GPSM2: variants seen among roughly 807,000 people sequenced by gnomAD.
GPSM2 encodes G protein signaling modulator 2.
A neutral mutation model predicts 78.4 loss-of-function variants in GPSM2; 58 were observed. That is an observed-to-expected ratio of 0.74 (90% confidence interval 0.60 to 0.92). The LOEUF is 0.92. Among genes scored for constraint, GPSM2 ranks in the 40% least tolerant of loss-of-function variants. The pLI, the probability that GPSM2 is intolerant of heterozygous loss-of-function variation, is 0.00. For synonymous variants in GPSM2, 224 were observed against 280.2 expected, an observed-to-expected ratio of 0.80 and a Z score of 2.00; for missense variants, 700 against 815.5, an observed-to-expected ratio of 0.86 and a Z score of 1.73.
chr1:108,885,443 A>G lies in GPSM2; in HGVS notation c.-80A>G, dbSNP rs1425764381. On this transcript the variant is annotated 5_prime_UTR_variant, in exon 2 of 15. Transcript: ENST00000264126. Reference sequence around the variant, plus strand: ...TAATATACTAACCGGACAATGTTCTACAAACAATTCTACATTGTAAAGGAC... The same window carrying G: ...TAATATACTAACCGGACAATGTTCTGCAAACAATTCTACATTGTAAAGGAC... The G allele has an allele frequency of 6.1e-6, 5 of 819,284 alleles. No individual in the cohort carries two copies. The highest frequency in any genetic ancestry group is 5.6e-5 in the Admixed American group (3 of 53,218). 50.8% of individuals were successfully genotyped at this position (819,284 alleles called of 1,614,324 possible).
chr1:108,929,472 TA>T lies in GPSM2; in HGVS notation c.1816-228del, dbSNP rs1651507928. 5 of 563,954 alleles carry T rather than the reference TA, an allele frequency of 8.9e-6. No individual in the cohort carries two copies. The Admixed American group carries it at 1.5e-4, about 17-fold the overall frequency. 34.9% of individuals were successfully genotyped at this position (563,954 alleles called of 1,614,324 possible). On this transcript the variant is annotated intron_variant, in intron 14 of 14. Coordinates refer to ENST00000264126, the MANE Select transcript of GPSM2 (RefSeq NM_013296.5). ...TAAACCAATGAAGCAGCTATACCTA[TA>T]TAAGCCATTTTAAAGGAAAAATTTT...
chr1:108,918,607 T>G lies in GPSM2; in HGVS notation c.1264-6T>G. 6.2e-7 allele frequency: 1 copy of G among 1,609,498 alleles called. No homozygotes were observed. ...ATTCACCTGCCTTCCATTTATAATT[T>G]TGTAGGTACAGAACTGGAACAGTGA... On this transcript the variant is annotated splice_region_variant and splice_polypyrimidine_tract_variant and intron_variant, in intron 11 of 14. Coordinates refer to ENST00000264126, the MANE Select transcript of GPSM2 (RefSeq NM_013296.5).
chr1:108,910,098 C>T (rs1368232783), intron 10 of GPSM2: 1 of 151,844 alleles, frequency 6.6e-6, no homozygotes, highest in Non-Finnish European at 1.5e-5. Context: ...TTGACTAAGT[C>T]TACAGAAAGA....
intron 14 of GPSM2, among the ~76,000 whole-genome samples, chr1:108,928,976 G>A (rs1023068528): frequency 1.3e-4 from 18 of 142,960 alleles, no homozygotes; most frequent in Admixed American, 2.2e-4. Context: ...ATGACAGAGC[G>A]AGAATCCGTC....
chr1:108,931,224 A>G lies in GPSM2; in HGVS notation c.*1284A>G. 1 of 1,340,210 alleles carries G rather than the reference A, an allele frequency of 7.5e-7. No homozygotes were observed. Among genetic ancestry groups the G allele is most frequent in the South Asian group, 1.6e-5 (1 of 64,224 alleles). The allele number at this position is 1,340,210 out of a possible 1,614,324, so 83.0% of individuals were successfully genotyped here. On this transcript the variant is annotated 3_prime_UTR_variant, in exon 15 of 15. Coordinates refer to ENST00000264126, the MANE Select transcript of GPSM2 (RefSeq NM_013296.5). ...ACCTAGGACACATAAACAAACAGAAAACAGATGAAAACTCACAAAAATTAA... is the reference window on the plus strand; with the variant it reads ...ACCTAGGACACATAAACAAACAGAAGACAGATGAAAACTCACAAAAATTAA...
At position 108,923,989 on chromosome 1, in the gene GPSM2, T is replaced by C; in HGVS notation, c.1601-11T>C. ...TTTTTTTAATCTTTGGCTTTCTTCT[T>C]CTGTTCTTAGCATCATCTGTTCCTG... On this transcript the variant is annotated splice_polypyrimidine_tract_variant and intron_variant, in intron 13 of 14. Coordinates refer to ENST00000264126, the MANE Select transcript of GPSM2 (RefSeq NM_013296.5). 1 of 1,563,924 alleles carries C rather than the reference T, an allele frequency of 6.4e-7. No individual in the cohort carries two copies. Among genetic ancestry groups the C allele is most frequent in the Non-Finnish European group, 8.8e-7 (1 of 1,134,250 alleles).
intron 11 of GPSM2, among the ~76,000 whole-genome samples, chr1:108,915,221 A>C (rs1557873886): frequency 1.3e-5 from 2 of 151,220 alleles, no homozygotes; most frequent in Non-Finnish European, 2.9e-5. Flanking sequence ...AAATACAAAA[A>C]TTAGCTGGGT....
chr1:108,891,499 A>T (rs1279212569), intron 2 of GPSM2, among the ~76,000 whole-genome samples: 1 of 151,668 alleles, frequency 6.6e-6, no homozygotes, highest in East Asian at 1.9e-4. Flanking sequence ...GGTTATTTTT[A>T]TTTTATTTTA....
At chr1:108,894,031 G>A (rs1648172968) in intron 2 of GPSM2, among the ~76,000 whole-genome samples, 1 of 151,948 alleles carries the variant, frequency 6.6e-6, no homozygotes, top group Non-Finnish European at 1.5e-5. Context: ...GTGACAGAGT[G>A]AGACTCCATC....
At position 108,914,409 on chromosome 1, in the gene GPSM2, G is replaced by A; in HGVS notation, c.1263+1G>A. 6.3e-7 allele frequency: 1 copy of A among 1,597,088 alleles called. No homozygotes were observed. The highest frequency in any genetic ancestry group is 8.6e-7 in the Non-Finnish European group (1 of 1,165,154). On this transcript the variant is annotated splice_donor_variant, in intron 11 of 14. Coordinates refer to ENST00000264126, the MANE Select transcript of GPSM2 (RefSeq NM_013296.5). LOFTEE classifies it high-confidence loss of function. ...ACTTATGAAGTTAACACCAGAAAAG[G>A]TGGGTGGCAGGTTTTATGTTTTAAA...
chr1:108,923,873 G>T (rs892002180), intron 13 of GPSM2, 127 bp from the exon 14 acceptor site: 2 of 714,856 alleles, frequency 2.8e-6, no homozygotes, highest in Admixed American at 4.4e-5. Context: ...GCTATAGCAG[G>T]AGGGCAGGGC....
In GPSM2 at chr1:108,888,177, G is replaced by T. The variant is rs571346789; in HGVS notation, c.56+2599G>T. Among the ~76,000 whole-genome samples, 6 of 152,204 alleles carry T rather than the reference G, an allele frequency of 3.9e-5. No homozygotes were observed. In the East Asian group the frequency reaches 1.2e-3, roughly 29 times the overall value. On this transcript the variant is annotated intron_variant, in intron 2 of 14. Transcript: ENST00000264126. ...AGCAGTGCTCCTGCCTCAGCCTCCT[G>T]AGTAGCTGGGACTACAGGCGTGTGC... is the stretch of plus-strand genomic sequence containing the variant.
At chr1:108,899,431 T>C (rs1324677106) in intron 7 of GPSM2, among the ~76,000 whole-genome samples, 3 of 152,190 alleles carry the variant, frequency 2.0e-5, no homozygotes, top group African/African-American at 7.2e-5. Flanking sequence ...ATATTTATAG[T>C]CTATACCAGT....
chr1:108,922,334 T>C, intron 12 of GPSM2, 83 bp from the exon 13 acceptor site: 1 of 991,398 alleles, frequency 1.0e-6, no homozygotes, highest in Middle Eastern at 2.4e-4. Flanking sequence ...CCTTTTGCAT[T>C]TGAATGCATC....
Position 108,899,007 on chromosome 1 carries a change from T to C in GPSM2, c.797+13T>C. 7.4e-7 allele frequency: 1 copy of C among 1,356,948 alleles called. No homozygotes were observed. Among genetic ancestry groups the C allele is most frequent in the Non-Finnish European group, 1.1e-6 (1 of 946,742 alleles). The allele number at this position is 1,356,948 out of a possible 1,614,324, so 84.1% of individuals were successfully genotyped here. On this transcript the variant is annotated intron_variant, in intron 7 of 14. Transcript: ENST00000264126. Reference sequence around the variant, plus strand: ...CGGAATACTACAAGTTAGTCTAATATTTCTGTAGATAAATGTAAAATGAAT... The same window carrying C: ...CGGAATACTACAAGTTAGTCTAATACTTCTGTAGATAAATGTAAAATGAAT...
intron 2 of GPSM2, among the ~76,000 whole-genome samples, chr1:108,896,467 A>G (rs1172865008): frequency 6.6e-6 from 1 of 152,172 alleles, no homozygotes; most frequent in Admixed American, 6.5e-5. Flanking sequence ...GTAGAGAACA[A>G]TATTAATAAT....
intron 14 of GPSM2, 57 bp from the exon 15 acceptor site, chr1:108,929,643 AT>A: frequency 6.5e-7 from 1 of 1,548,810 alleles, no homozygotes. Context: ...GAGATTTAAC[AT>A]AGCTTGGTGC....
Position 108,931,765 on chromosome 1 carries a change from A to G in GPSM2, c.*1825A>G, listed in dbSNP as rs983205198. The G allele has an allele frequency of 7.9e-6, 2 of 254,222 alleles. No homozygotes were observed. The highest frequency in any genetic ancestry group is 4.5e-5 in the African/African-American group (2 of 44,580). The allele number at this position is 254,222 out of a possible 1,614,324, so 15.7% of individuals were successfully genotyped here. Reference sequence around the variant, plus strand: ...GTTCTTATAAGAAAATTCAGTTAAGACAATATACCAAACCACAACGTAAAA... The same window carrying G: ...GTTCTTATAAGAAAATTCAGTTAAGGCAATATACCAAACCACAACGTAAAA... On this transcript the variant is annotated 3_prime_UTR_variant, in exon 15 of 15. Transcript: ENST00000264126.
intron 10 of GPSM2, among the ~76,000 whole-genome samples, chr1:108,908,685 G>GCA (rs894708542): frequency 5.0e-5 from 6 of 119,788 alleles, no homozygotes; most frequent in Admixed American, 2.3e-4. Flanking sequence ...ACACGTGCGC[G>GCA]CACACACACA....
Sources: allele counts gnomAD v4.1 joint callset (sites outside exome capture counted in the v4.1 genomes callset), GRCh38; gene constraint gnomAD v4.1.1; transcripts MANE v1.5; gene names NCBI Gene and HGNC (gene_info 2026-07-23, HGNC 2026-07-21).